Variants in ARHGAP26 observed in about 807,000 individuals in gnomAD.
The protein encoded by ARHGAP26 is Rho GTPase activating protein 26.
A neutral mutation model predicts 104.8 loss-of-function variants in ARHGAP26; 38 were observed. The observed-to-expected ratio is 0.36, with a 90% CI of 0.28 to 0.48. The LOEUF (loss-of-function observed/expected upper bound fraction) is 0.48, where lower values mean the gene tolerates loss of function less well. Among genes scored for constraint, ARHGAP26 ranks in the 20% least tolerant of loss-of-function variants. The probability of loss-of-function intolerance (pLI) is 0.99; values close to 1 mark genes in which losing one functional copy is unlikely to be tolerated. For synonymous variants in ARHGAP26, 341 were observed against 340.0 expected, an observed-to-expected ratio of 1.00 and a Z score of -0.03; for missense variants, 704 against 947.9, an observed-to-expected ratio of 0.74 and a Z score of 3.38.
chr5:142,966,045 T>C (rs1771265047), intron 11 of ARHGAP26, among the ~76,000 whole-genome samples: 1 of 152,208 alleles, frequency 6.6e-6, no homozygotes, highest in Non-Finnish European at 1.5e-5. Context: ...TTTTCAGTGG[T>C]TTGCTTTGTA....
chr5:142,840,625 G>A (rs528303145), intron 1 of ARHGAP26, among the ~76,000 whole-genome samples: 2 of 152,262 alleles, frequency 1.3e-5, no homozygotes, highest in Admixed American at 6.5e-5. Context: ...CATGGCAAGT[G>A]GTAGTTGTCA....
chr5:143,094,926 A>C (rs1244574768), intron 17 of ARHGAP26, among the ~76,000 whole-genome samples: 1 of 152,148 alleles, frequency 6.6e-6, no homozygotes, highest in African/African-American at 2.4e-5. Context: ...CTTTAAGAGG[A>C]AGTTAAGTTT....
chr5:143,040,382 C>T (rs989755377), intron 13 of ARHGAP26, among the ~76,000 whole-genome samples: 4 of 152,002 alleles, frequency 2.6e-5, no homozygotes, highest in African/African-American at 7.3e-5. Flanking sequence ...AGAATTGGTC[C>T]TTTCCTGAGT....
At chr5:143,134,220 T>C in intron 19 of ARHGAP26, 115 bp downstream of exon 19, 1 of 1,263,158 alleles carries the variant, frequency 7.9e-7, no homozygotes, top group South Asian at 1.8e-5. Flanking sequence ...TTTTGTGTCC[T>C]TGAAGACTGT....
intron 19 of ARHGAP26, among the ~76,000 whole-genome samples, chr5:143,137,147 T>C (rs1156868859): frequency 6.6e-6 from 1 of 152,232 alleles, no homozygotes; most frequent in Admixed American, 6.5e-5. Context: ...TATTATTCTC[T>C]AATATATGTT....
At chr5:142,819,363 G>A (rs911743612) in intron 1 of ARHGAP26, among the ~76,000 whole-genome samples, 6 of 152,118 alleles carry the variant, frequency 3.9e-5, no homozygotes, top group African/African-American at 1.4e-4. Flanking sequence ...TCACTGATGG[G>A]GTAGACAGGT....
At chr5:143,142,054 T>A (rs1798598188) in intron 19 of ARHGAP26, among the ~76,000 whole-genome samples, 1 of 152,002 alleles carries the variant, frequency 6.6e-6, no homozygotes, top group East Asian at 1.9e-4. Flanking sequence ...GAAGTCGTTT[T>A]GCTGAAGATA....
At chr5:143,050,858 AG>A (rs1280968682) in intron 14 of ARHGAP26, among the ~76,000 whole-genome samples, 1 of 152,174 alleles carries the variant, frequency 6.6e-6, no homozygotes, top group Non-Finnish European at 1.5e-5. Flanking sequence ...TCCCCAAAGA[AG>A]AAACACAGAG....
chr5:142,990,187 G>A (rs551278104), intron 11 of ARHGAP26, among the ~76,000 whole-genome samples: 18 of 151,998 alleles, frequency 1.2e-4, no homozygotes, highest in Non-Finnish European at 1.5e-4. Flanking sequence ...TTCTCTTCTC[G>A]CTTCATTTCA....
intron 17 of ARHGAP26, among the ~76,000 whole-genome samples, chr5:143,090,750 G>A (rs932797508): frequency 1.3e-5 from 2 of 152,160 alleles, no homozygotes; most frequent in African/African-American, 4.8e-5. Flanking sequence ...AAACCTGTTG[G>A]CAATTCATTC....
intron 19 of ARHGAP26, among the ~76,000 whole-genome samples, chr5:143,141,708 G>A (rs1178560251): frequency 6.6e-6 from 1 of 152,166 alleles, no homozygotes; most frequent in Non-Finnish European, 1.5e-5. Context: ...AAGTTAACGG[G>A]AAACCAACTT....
At chr5:143,190,392 T>TGAGTAGCA (rs1306378726) in intron 20 of ARHGAP26, among the ~76,000 whole-genome samples, 1 of 152,166 alleles carries the variant, frequency 6.6e-6, no homozygotes. Flanking sequence ...GCAGTTTGCC[T>TGAGTAGCA]GAGTAGCAGA....
At chr5:143,136,621 T>TG (rs918921503) in intron 19 of ARHGAP26, among the ~76,000 whole-genome samples, 6 of 152,032 alleles carry the variant, frequency 3.9e-5, no homozygotes, top group Non-Finnish European at 5.9e-5. Flanking sequence ...AGGCACCCTG[T>TG]GGGGGGGCAG....
chr5:142,903,851 C>G (rs967639652), intron 8 of ARHGAP26, among the ~76,000 whole-genome samples, 182 bp downstream of exon 8: 18 of 152,138 alleles, frequency 1.2e-4, no homozygotes, highest in African/African-American at 4.3e-4. Context: ...CTTTGTTTTT[C>G]TTTATGAATG....
chr5:142,849,305 G>A (rs1271555618), intron 1 of ARHGAP26, among the ~76,000 whole-genome samples: 1 of 152,118 alleles, frequency 6.6e-6, no homozygotes, highest in African/African-American at 2.4e-5. Flanking sequence ...ACACCAAAAA[G>A]ACCCAAGACT....
chr5:142,858,094 TGAGAGA>T (rs1249755991), intron 1 of ARHGAP26, among the ~76,000 whole-genome samples: 1 of 127,172 alleles, frequency 7.9e-6, no homozygotes, highest in Non-Finnish European at 1.7e-5. Flanking sequence ...TGTGTGTGTG[TGAGAGA>T]GAGAGAGAGA....
At chr5:143,012,014 A>G (rs1778824653) in intron 11 of ARHGAP26, among the ~76,000 whole-genome samples, 1 of 152,208 alleles carries the variant, frequency 6.6e-6, no homozygotes, top group Non-Finnish European at 1.5e-5. Context: ...CATTTTATAG[A>G]TGAAGAAATT....
At chr5:143,133,936 G>A in intron 18 of ARHGAP26, 31 bp from the exon 19 acceptor site, 1 of 1,590,010 alleles carries the variant, frequency 6.3e-7, no homozygotes. Context: ...CCACAGATGT[G>A]AGTAACCTTG....
chr5:142,868,818 T>C (rs1754779224), intron 1 of ARHGAP26: 1 of 152,390 alleles, frequency 6.6e-6, no homozygotes, highest in Non-Finnish European at 1.5e-5. Context: ...TCTCTGGGGC[T>C]CGTGTCCATC....
Sources: gnomAD v4.1 joint callset for allele counts (sites outside exome capture counted in the v4.1 genomes callset) on GRCh38, gnomAD v4.1.1 for gene constraint, MANE v1.5 for transcripts, NCBI Gene and HGNC (gene_info 2026-07-23, HGNC 2026-07-21) for gene names.